C7: variants seen among roughly 807,000 people sequenced by gnomAD.
The protein encoded by C7 is complement component C7.
C7 carries 83 observed loss-of-function variants against 104.8 expected under a neutral mutation model. The observed-to-expected ratio is 0.79, with a 90% confidence interval of 0.66 to 0.95. The LOEUF is 0.95. C7 is among the 40% of genes least tolerant of loss of function. The probability of loss-of-function intolerance (pLI) is 0.00; values close to 1 mark genes in which losing one functional copy is unlikely to be tolerated. For missense variants in C7, 1,070 were observed against 1,011.2 expected (o/e 1.06, Z -0.79); for synonymous variants, 415 against 360.6 (o/e 1.15, Z -1.71).
intron 14 of C7, among the ~76,000 whole-genome samples, chr5:40,970,164 C>T (rs1201374218): frequency 6.6e-6 from 1 of 152,084 alleles, no homozygotes; most frequent in Non-Finnish European, 1.5e-5. Context: ...AATTTTGCTA[C>T]ACTGATATAT....
chr5:40,918,072 A>G (rs1438042746), intron 1 of C7, among the ~76,000 whole-genome samples: 1 of 152,220 alleles, frequency 6.6e-6, no homozygotes, highest in Non-Finnish European at 1.5e-5. Context: ...AGAAGCACAA[A>G]ACAGAAATAG....
chr5:40,938,184 G>C lies in C7; in HGVS notation c.567+494G>C, dbSNP rs186375748. ...AATAGAATATTGCCAGTGACTTAAA[G>C]GCTCCTCTATGCCCCTCTCTGATCA... is the stretch of plus-strand genomic sequence containing the variant. On this transcript the variant is annotated intron_variant, in intron 6 of 17. Transcript: ENST00000313164. Among the ~76,000 whole-genome samples the C allele has an allele frequency of 5.9e-5, 9 of 152,252 alleles. No individual in the cohort carries two copies. The East Asian group carries it at 1.3e-3, about 23-fold the overall frequency.
chr5:40,981,153 C>T (rs1275044310), intron 17 of C7, among the ~76,000 whole-genome samples: 1 of 152,138 alleles, frequency 6.6e-6, no homozygotes, highest in Non-Finnish European at 1.5e-5. Flanking sequence ...TGGATAAAAC[C>T]ACCCCATGTG....
intron 1 of C7, among the ~76,000 whole-genome samples, chr5:40,917,494 C>T (rs1739342508): frequency 6.6e-6 from 1 of 152,062 alleles, no homozygotes; most frequent in African/African-American, 2.4e-5. Flanking sequence ...TTCATTGTGT[C>T]TCTTTACCAC....
At chr5:40,922,662 C>T (rs1322677685) in intron 1 of C7, among the ~76,000 whole-genome samples, 1 of 147,804 alleles carries the variant, frequency 6.8e-6, no homozygotes, top group Non-Finnish European at 1.5e-5. Flanking sequence ...GATCGCACTA[C>T]TGCACTCCAG....
intron 1 of C7, among the ~76,000 whole-genome samples, chr5:40,924,307 C>A (rs1739505783): frequency 6.6e-6 from 1 of 152,176 alleles, no homozygotes; most frequent in Admixed American, 6.5e-5. Context: ...CTCCAGGTTC[C>A]ACATCCAGGA....
chr5:40,958,818 T>A (rs1200050111), intron 11 of C7, among the ~76,000 whole-genome samples: 1 of 152,240 alleles, frequency 6.6e-6, no homozygotes, highest in Non-Finnish European at 1.5e-5. Context: ...TGTACATGTC[T>A]GTCTCTTCTA....
At position 40,927,034 on chromosome 5, in the gene C7, TG is replaced by T. The variant is rs1190391664; in HGVS notation, c.7-1544del. 3.9e-5 allele frequency among the ~76,000 whole-genome samples: 6 copies of T among 152,260 alleles called. No homozygotes were observed. The East Asian group carries it at 1.2e-3, about 29-fold the overall frequency. ...TATAGTAATTAAAACATCATGATCCTGGCAAAACAATAGACCCATCAACCAG... is the reference window on the plus strand; with the variant it reads ...TATAGTAATTAAAACATCATGATCCTGCAAAACAATAGACCCATCAACCAG... On this transcript the variant is annotated intron_variant, in intron 1 of 17. Coordinates refer to ENST00000313164, the MANE Select transcript of C7 (RefSeq NM_000587.4).
At chr5:40,948,062 A>G (rs1034108359) in intron 8 of C7, among the ~76,000 whole-genome samples, 2 of 152,168 alleles carry the variant, frequency 1.3e-5, no homozygotes, top group Non-Finnish European at 2.9e-5. Flanking sequence ...CTTGAGCTAA[A>G]TCATTATCAT....
At chr5:40,959,716 G>A in intron 12 of C7, 96 bp downstream of exon 12, 2 of 971,540 alleles carry the variant, frequency 2.1e-6, no homozygotes, top group South Asian at 2.4e-5. Context: ...AGATTTAGAA[G>A]TTAAATGGCT....
At chr5:40,919,290 A>C (rs1344884097) in intron 1 of C7, among the ~76,000 whole-genome samples, 2 of 151,868 alleles carry the variant, frequency 1.3e-5, no homozygotes, top group Non-Finnish European at 1.5e-5. Context: ...ACATCCAGTT[A>C]ATTTTTGTAT....
chr5:40,915,919 G>GA (rs1337908100), intron 1 of C7, among the ~76,000 whole-genome samples: 1 of 152,190 alleles, frequency 6.6e-6, no homozygotes, highest in Non-Finnish European at 1.5e-5. Flanking sequence ...GGTACATTGA[G>GA]AAAAAGAGTT....
chr5:40,962,125 A>T lies in C7; in HGVS notation c.1702A>T (p.Thr568Ser). 1 of 1,569,400 alleles carries T rather than the reference A, an allele frequency of 6.4e-7. No homozygotes were observed. The highest frequency in any genetic ancestry group is 1.8e-5 in the Admixed American group (1 of 56,460). ...TTGCTTTCCTTTGTCTTTGGTTCCA[A>T]CAGAATTCTGTCCATCACCTCCTGC... ...PHCFPLSLVP[T>S]EFCPSPPALK... The change falls in exon 13 of 18, where the codon ACA becomes TCA. Residue 568 changes from threonine (T) to serine (S), a missense_variant. By Grantham distance (58) the Thr-to-Ser change is moderately conservative. Transcript: ENST00000313164.
chr5:40,921,341 A>G (rs373775836), intron 1 of C7, among the ~76,000 whole-genome samples: 15 of 152,308 alleles, frequency 9.8e-5, no homozygotes, highest in East Asian at 9.6e-4. Context: ...TCCCATGCTC[A>G]TGGATTGGAA....
chr5:40,958,210 T>A lies in C7; in HGVS notation c.1438T>A (p.Tyr480Asn). The A allele has an allele frequency of 3.1e-6, 5 of 1,613,330 alleles. No individual in the cohort carries two copies. Among genetic ancestry groups the A allele is most frequent in the Non-Finnish European group, 1.7e-6 (2 of 1,179,542 alleles). The change falls in exon 11 of 18, where the codon TAC (tyrosine) becomes AAC (asparagine). Residue 480 changes from tyrosine (Y) to asparagine (N), a missense_variant. By Grantham distance (143) the Tyr-to-Asn change is moderately radical. Coordinates refer to ENST00000313164, the MANE Select transcript of C7 (RefSeq NM_000587.4). ...GTHCLCHCKP[Y>N]TFGAACEQGV... ...CCATTGTCTGTGCCATTGCAAACCG[T>A]ACACATTTGGTGCGGCGTGTGAGCA...
chr5:40,928,542 G>T, intron 1 of C7, 38 bp from the exon 2 acceptor site: 1 of 1,176,576 alleles, frequency 8.5e-7, no homozygotes, highest in East Asian at 2.6e-5. Flanking sequence ...AAAAAGAAAT[G>T]CAAGCTAAAA....
intron 1 of C7, chr5:40,911,252 G>A (rs1262151783): frequency 6.6e-6 from 1 of 152,260 alleles, no homozygotes; most frequent in Non-Finnish European, 1.5e-5. Context: ...AGGGACACTT[G>A]TGAAAGCCTT....
At position 40,967,804 on chromosome 5, in the gene C7, C is replaced by T. The variant is rs116019732; in HGVS notation, c.1882+2931C>T. On this transcript the variant is annotated intron_variant, in intron 14 of 17. Coordinates refer to ENST00000313164, the MANE Select transcript of C7 (RefSeq NM_000587.4). ...CCTGCGTTTGTGGCTTGACAGAGAC[C>T]TGCAGGCCCAGTAGTGCTGGGGTGG... 496 of 157,184 alleles carry T rather than the reference C, an allele frequency of 3.2e-3. 4 individuals carry two copies. The highest frequency in any genetic ancestry group is 0.011 in the African/African-American group (476 of 41,652). The allele number at this position is 157,184 out of a possible 1,614,324, so 9.7% of individuals were successfully genotyped here.
At chr5:40,909,973 TA>T (rs1480301749) in intron 1 of C7, among the ~76,000 whole-genome samples, 3 of 134,906 alleles carry the variant, frequency 2.2e-5, no homozygotes, top group African/African-American at 7.9e-5. Flanking sequence ...TCCTCTGGTG[TA>T]TTTTTTTTTT....
Sources: allele counts gnomAD v4.1 joint callset (sites outside exome capture counted in the v4.1 genomes callset), GRCh38; gene constraint gnomAD v4.1.1; transcripts MANE v1.5; gene names NCBI Gene and HGNC (gene_info 2026-07-23, HGNC 2026-07-21).